The following TRPM3 variants were observed in gnomAD, a reference collection of about 807,000 sequenced individuals.
The protein encoded by TRPM3 is long transient receptor potential channel 3.
TRPM3 carries 77 observed loss-of-function variants against 181.2 expected under a neutral mutation model. That is an observed-to-expected ratio of 0.42 (90% CI 0.35 to 0.51). The LOEUF (loss-of-function observed/expected upper bound fraction) is 0.51, where lower values mean the gene tolerates loss of function less well. Ranked by LOEUF, TRPM3 falls within the 20% of genes least tolerant of loss-of-function variation. The pLI, the probability that TRPM3 is intolerant of heterozygous loss-of-function variation, is 0.01. For missense variants in TRPM3, 1,759 were observed against 2,196.7 expected, an observed-to-expected ratio of 0.80 and a Z score of 3.98; for synonymous variants, 745 against 796.4, an observed-to-expected ratio of 0.94 and a Z score of 1.09.
rs1423762277 is a variant in TRPM3, at chr9:71,138,816, T to TA, written c.184-274306dup. Among the ~76,000 whole-genome samples the TA allele has an allele frequency of 5.9e-5, 9 of 152,292 alleles. No individual in the cohort carries two copies. In the South Asian group the frequency reaches 1.7e-3, roughly 28 times the overall value. On this transcript the variant is annotated intron_variant, in intron 1 of 24. Transcript: ENST00000357533. Reference sequence around the variant, plus strand: ...TGATCCCCTCGGTGTACTTACAACTTACATTTCACATAGTTACATATGTCT... The same window carrying TA: ...TGATCCCCTCGGTGTACTTACAACTTAACATTTCACATAGTTACATATGTCT...
At chr9:71,222,298 C>G (rs907246761) in intron 1 of TRPM3, among the ~76,000 whole-genome samples, 3 of 152,202 alleles carry the variant, frequency 2.0e-5, no homozygotes, top group Non-Finnish European at 4.4e-5. Flanking sequence ...TAAAGTTCTA[C>G]TGACAAACAC....
chr9:70,975,720 T>C (rs2097295397), intron 1 of TRPM3, among the ~76,000 whole-genome samples: 2 of 152,166 alleles, frequency 1.3e-5, no homozygotes, highest in South Asian at 4.1e-4. Context: ...CCTTGTCCTA[T>C]CTTGGCCAGC....
chr9:70,572,061 T>C (rs898657806), intron 22 of TRPM3, among the ~76,000 whole-genome samples: 5 of 152,096 alleles, frequency 3.3e-5, no homozygotes, highest in African/African-American at 4.8e-5. Flanking sequence ...TCTTTACATA[T>C]TGACCCTGGA....
intron 1 of TRPM3, among the ~76,000 whole-genome samples, chr9:71,238,502 T>G (rs1374331615): frequency 6.6e-6 from 1 of 152,196 alleles, no homozygotes; most frequent in Non-Finnish European, 1.5e-5. Context: ...GCAGTTCTTC[T>G]CAAGCTCCCA....
chr9:70,791,880 G>C (rs1309830396), intron 6 of TRPM3, among the ~76,000 whole-genome samples: 1 of 152,052 alleles, frequency 6.6e-6, no homozygotes, highest in African/African-American at 2.4e-5. Context: ...CAGTGCTCGA[G>C]GCATTTTCAC....
chr9:70,950,051 T>C (rs1348210776), intron 1 of TRPM3, among the ~76,000 whole-genome samples: 2 of 152,140 alleles, frequency 1.3e-5, no homozygotes, highest in African/African-American at 4.8e-5. Context: ...ACCTTGTTTA[T>C]ACTAAAATTG....
chr9:70,698,506 G>A (rs1381501839), intron 8 of TRPM3, among the ~76,000 whole-genome samples: 4 of 152,276 alleles, frequency 2.6e-5, no homozygotes, highest in Middle Eastern at 3.4e-3. Context: ...CCTGAGACAC[G>A]CATGCTAACA....
intron 1 of TRPM3, among the ~76,000 whole-genome samples, chr9:71,254,716 T>G (rs1417275366): frequency 1.3e-5 from 2 of 152,194 alleles, no homozygotes; most frequent in South Asian, 4.1e-4. Context: ...CCAAACCACA[T>G]TAACAAATTG....
intron 1 of TRPM3, among the ~76,000 whole-genome samples, chr9:70,952,421 A>G (rs1040754087): frequency 6.6e-6 from 1 of 152,184 alleles, no homozygotes; most frequent in Non-Finnish European, 1.5e-5. Flanking sequence ...GACTTCTTAC[A>G]CTGGAATAAA....
intron 6 of TRPM3, among the ~76,000 whole-genome samples, chr9:70,816,065 T>C (rs1418273712): frequency 6.6e-6 from 1 of 152,230 alleles, no homozygotes; most frequent in Non-Finnish European, 1.5e-5. Flanking sequence ...CAGCTGTCTA[T>C]AGAGCTACCA....
chr9:71,022,562 G>C lies in TRPM3; in HGVS notation c.177+98616C>G, dbSNP rs567662850. On this transcript the variant is annotated intron_variant, in intron 1 of 25. Coordinates refer to ENST00000677713, the MANE Select transcript of TRPM3 (RefSeq NM_001366145.2). ...CAATTTTAAAAAATAGCCAGGTATG[G>C]TGGCCACTACCTATAGTCCCAGCTA... Among the ~76,000 whole-genome samples, 4 of 152,140 alleles carry C rather than the reference G, an allele frequency of 2.6e-5. No homozygotes were observed. In the South Asian group the frequency reaches 8.3e-4, roughly 32 times the overall value.
intron 6 of TRPM3, among the ~76,000 whole-genome samples, chr9:70,799,787 T>G (rs2088360410): frequency 6.6e-6 from 1 of 152,190 alleles, no homozygotes; most frequent in Non-Finnish European, 1.5e-5. Flanking sequence ...TCTTCTCTGG[T>G]GGGGTTTCTT....
At chr9:71,436,610 CT>C (rs2094044287) in intron 1 of TRPM3, among the ~76,000 whole-genome samples, 1 of 151,868 alleles carries the variant, frequency 6.6e-6, no homozygotes, top group Admixed American at 6.6e-5. Context: ...GCCTAAACCT[CT>C]TTTTCTTCCC....
chr9:71,030,363 A>C (rs964543405), intron 1 of TRPM3, among the ~76,000 whole-genome samples: 1 of 152,092 alleles, frequency 6.6e-6, no homozygotes, highest in African/African-American at 2.4e-5. Context: ...TCAGGAGTTC[A>C]AGACCAGCCT....
intron 1 of TRPM3, among the ~76,000 whole-genome samples, chr9:71,079,846 G>A (rs1565148337): frequency 1.3e-5 from 2 of 152,092 alleles, no homozygotes; most frequent in East Asian, 1.9e-4. Context: ...TGGTCTTCTG[G>A]TCACCTTAGG....
intron 1 of TRPM3, among the ~76,000 whole-genome samples, chr9:71,162,363 G>A (rs2076324331): frequency 6.6e-6 from 1 of 152,096 alleles, no homozygotes; most frequent in South Asian, 2.1e-4. Context: ...ATAATTAACA[G>A]TCATCATGAC....
chr9:71,232,615 C>T (rs931714725), intron 1 of TRPM3, among the ~76,000 whole-genome samples: 1 of 150,364 alleles, frequency 6.7e-6, no homozygotes, highest in Admixed American at 6.7e-5. Context: ...ATTCTCCTGC[C>T]TCAGCCTCGC....
At chr9:71,349,968 C>CAT (rs758622802) in intron 1 of TRPM3, among the ~76,000 whole-genome samples, 2,764 of 67,242 alleles carry the variant, frequency 0.041, 54 homozygotes, top group African/African-American at 0.077. Flanking sequence ...ATTGTAAGTG[C>CAT]ATATATATAT....
intron 20 of TRPM3, among the ~76,000 whole-genome samples, chr9:70,599,688 A>G (rs970437895): frequency 1.3e-5 from 2 of 152,188 alleles, no homozygotes; most frequent in African/African-American, 4.8e-5. Context: ...TCTCTGATCA[A>G]ATGTCCCCTT....
Sources: gnomAD v4.1 joint callset for allele counts (sites outside exome capture counted in the v4.1 genomes callset) on GRCh38, gnomAD v4.1.1 for gene constraint, MANE v1.5 for transcripts, NCBI Gene and HGNC (gene_info 2026-07-23, HGNC 2026-07-21) for gene names.